Variants in TNKS observed in about 807,000 individuals in gnomAD.
The protein encoded by TNKS is poly [ADP-ribose] polymerase tankyrase-1.
In TNKS, 72 loss-of-function variants were observed where a neutral mutation model predicts 135.8. The observed-to-expected ratio is 0.53, with a 90% CI of 0.44 to 0.64. TNKS has a LOEUF of 0.64. Ranked by LOEUF, TNKS falls within the 30% of genes least tolerant of loss-of-function variation. The probability of loss-of-function intolerance (pLI) is 0.00; values close to 1 mark genes in which losing one functional copy is unlikely to be tolerated. For synonymous variants in TNKS, 849 were observed against 649.3 expected (o/e 1.31, Z -4.68); for missense variants, 1,769 against 1,674.0 (o/e 1.06, Z -0.99).
intron 5 of TNKS, among the ~76,000 whole-genome samples, chr8:9,695,935 C>T (rs556540464): frequency 6.6e-6 from 1 of 152,258 alleles, no homozygotes; most frequent in South Asian, 2.1e-4. Flanking sequence ...AAGGGAAGCA[C>T]TAGGGGGAGC....
intron 20 of TNKS, among the ~76,000 whole-genome samples, chr8:9,753,165 CAT>C (rs1330872472): frequency 1.3e-5 from 2 of 152,116 alleles, no homozygotes; most frequent in Non-Finnish European, 2.9e-5. Flanking sequence ...CATTTTATTA[CAT>C]GTCAAAACTT....
chr8:9,768,763 A>C (rs1271624321), intron 25 of TNKS, among the ~76,000 whole-genome samples: 2 of 152,238 alleles, frequency 1.3e-5, no homozygotes, highest in Non-Finnish European at 2.9e-5. Flanking sequence ...ATGGAGCTCA[A>C]AAAGCCTCCT....
At chr8:9,663,169 C>G (rs916322545) in intron 3 of TNKS, among the ~76,000 whole-genome samples, 1 of 152,208 alleles carries the variant, frequency 6.6e-6, no homozygotes, top group Non-Finnish European at 1.5e-5. Flanking sequence ...CGAAGGAACA[C>G]ATCCCTGCTC....
At chr8:9,708,293 C>T in intron 8 of TNKS, 78 bp from the exon 9 acceptor site, 15 of 1,189,692 alleles carry the variant, frequency 1.3e-5, no homozygotes, top group South Asian at 3.8e-5. Flanking sequence ...AATAATATTC[C>T]TACTTATTTA....
chr8:9,635,673 G>C (rs1278025992), intron 3 of TNKS, among the ~76,000 whole-genome samples: 2 of 152,204 alleles, frequency 1.3e-5, no homozygotes, highest in East Asian at 3.8e-4. Context: ...TGTGCTGGCA[G>C]ATGTAATACC....
At chr8:9,610,296 A>G (rs1376927907) in intron 2 of TNKS, among the ~76,000 whole-genome samples, 1 of 135,910 alleles carries the variant, frequency 7.4e-6, no homozygotes, top group Non-Finnish European at 1.6e-5. Flanking sequence ...TAAAAAATCT[A>G]TAATATATAT....
At chr8:9,702,222 T>C (rs968529770) in intron 5 of TNKS, among the ~76,000 whole-genome samples, 7 of 152,142 alleles carry the variant, frequency 4.6e-5, no homozygotes, top group Non-Finnish European at 5.9e-5. Context: ...GATGAAATCA[T>C]AGCTAAAAAT....
At chr8:9,776,314 A>G (rs571495367) in intron 26 of TNKS, among the ~76,000 whole-genome samples, 1 of 152,340 alleles carries the variant, frequency 6.6e-6, no homozygotes, top group Admixed American at 6.5e-5. Flanking sequence ...ACGCTGTGTG[A>G]CAGCACCAAT....
chr8:9,781,024 A>G lies in TNKS; in HGVS notation c.*4288A>G, dbSNP rs1173381003. The stretch of plus-strand genomic sequence containing the variant: ...TTTTAATTGTTTTAAAATGTAAATT[A>G]TGGTTATGCTAAAGTGAAAACCTAG... On this transcript the variant is annotated 3_prime_UTR_variant, in exon 27 of 27. Transcript: ENST00000310430. The G allele has an allele frequency of 6.6e-6, 1 of 152,192 alleles. No homozygotes were observed. The highest frequency in any genetic ancestry group is 2.4e-5 in the African/African-American group (1 of 41,438). 9.4% of individuals were successfully genotyped at this position (152,192 alleles called of 1,614,324 possible).
chr8:9,664,895 T>C (rs1243524955), intron 3 of TNKS, among the ~76,000 whole-genome samples: 2 of 152,240 alleles, frequency 1.3e-5, no homozygotes, highest in Non-Finnish European at 2.9e-5. Flanking sequence ...GGCATTTCTA[T>C]ACCATATCCC....
chr8:9,662,341 A>T (rs566172060), intron 3 of TNKS, among the ~76,000 whole-genome samples: 1 of 152,362 alleles, frequency 6.6e-6, no homozygotes, highest in South Asian at 2.1e-4. Context: ...ACTTGGAACC[A>T]ACCCAAATGT....
intron 3 of TNKS, among the ~76,000 whole-genome samples, chr8:9,620,655 C>T (rs573081903): frequency 2.0e-5 from 3 of 152,170 alleles, no homozygotes; most frequent in East Asian, 3.9e-4. Flanking sequence ...TGTTTGCTGC[C>T]CCTCAAGCAG....
chr8:9,586,701 C>CT (rs1470642497), intron 2 of TNKS, among the ~76,000 whole-genome samples: 1 of 147,158 alleles, frequency 6.8e-6, no homozygotes, highest in East Asian at 2.0e-4. Context: ...ATAATATAGT[C>CT]TATATAATTT....
In TNKS at chr8:9,736,020, C is replaced by T. The variant is rs559233927; in HGVS notation, c.2643+534C>T. 7.9e-5 allele frequency among the ~76,000 whole-genome samples: 12 copies of T among 151,226 alleles called. No individual in the cohort carries two copies. The South Asian group carries it at 8.3e-4, about 10-fold the overall frequency. Reference sequence around the variant, plus strand: ...TTTTTATTGCTTTTTGGTCTCAGCACGTTATCAAGCACAATAATAGGCATG... The same window carrying T: ...TTTTTATTGCTTTTTGGTCTCAGCATGTTATCAAGCACAATAATAGGCATG... On this transcript the variant is annotated intron_variant, in intron 17 of 26. Transcript: ENST00000310430.
intron 11 of TNKS, among the ~76,000 whole-genome samples, chr8:9,716,935 G>C (rs6601352): frequency 0.97 from 147,294 of 151,208 alleles, 71,851 homozygotes; most frequent in East Asian, 1. Flanking sequence ...ATAAATAAGA[G>C]TCGCTTGTTG....
chr8:9,610,305 A>T (rs886153050), intron 2 of TNKS, among the ~76,000 whole-genome samples: 1 of 150,604 alleles, frequency 6.6e-6, no homozygotes, highest in Non-Finnish European at 1.5e-5. Flanking sequence ...TATAATATAT[A>T]TATACTGTAT....
At chr8:9,567,429 T>G (rs1797584988) in intron 1 of TNKS, among the ~76,000 whole-genome samples, 1 of 152,216 alleles carries the variant, frequency 6.6e-6, no homozygotes, top group Admixed American at 6.5e-5. Flanking sequence ...ATTTATTTTT[T>G]TTTTGAGACG....
At chr8:9,607,698 GT>G (rs1383197449) in intron 2 of TNKS, among the ~76,000 whole-genome samples, 1 of 152,132 alleles carries the variant, frequency 6.6e-6, no homozygotes, top group African/African-American at 2.4e-5. Context: ...AATTACATTT[GT>G]TATTTTATAT....
chr8:9,599,096 T>C (rs1257399790), intron 2 of TNKS, among the ~76,000 whole-genome samples: 1 of 151,976 alleles, frequency 6.6e-6, no homozygotes, highest in African/African-American at 2.4e-5. Flanking sequence ...TTATTCCTTA[T>C]GGACATTTCA....
Sources: allele counts gnomAD v4.1 joint callset (sites outside exome capture counted in the v4.1 genomes callset), GRCh38; gene constraint gnomAD v4.1.1; transcripts MANE v1.5; gene names NCBI Gene and HGNC (gene_info 2026-07-23, HGNC 2026-07-21).